The following PLEKHM3 variants were observed in gnomAD, a reference collection of about 807,000 sequenced individuals.
The protein encoded by PLEKHM3 is pleckstrin homology domain-containing family M member 3.
Under a neutral mutation model 81.8 loss-of-function variants are expected in PLEKHM3, and 45 were observed. The observed-to-expected ratio is 0.55, with a 90% CI of 0.43 to 0.71. The LOEUF (loss-of-function observed/expected upper bound fraction) is 0.71. Among genes scored for constraint, PLEKHM3 ranks in the 30% least tolerant of loss-of-function variants. The probability of loss-of-function intolerance (pLI) is 0.00; values close to 1 mark genes in which losing one functional copy is unlikely to be tolerated. For synonymous variants in PLEKHM3, 352 were observed against 356.4 expected (o/e 0.99, Z 0.14); for missense variants, 788 against 924.3 (o/e 0.85, Z 1.91).
intron 6 of PLEKHM3, among the ~76,000 whole-genome samples, chr2:207,886,272 A>G (rs1010189769): frequency 6.6e-6 from 1 of 152,202 alleles, no homozygotes; most frequent in Non-Finnish European, 1.5e-5. Context: ...GAATCTTTGT[A>G]ATATGAGCCC....
At chr2:207,986,739 T>G (rs1440722304) in intron 2 of PLEKHM3, among the ~76,000 whole-genome samples, 1 of 151,322 alleles carries the variant, frequency 6.6e-6, no homozygotes, top group South Asian at 2.1e-4. Flanking sequence ...GGCATGATCA[T>G]GGCTCACGGC....
chr2:207,853,945 A>G (rs1034411137), intron 7 of PLEKHM3, among the ~76,000 whole-genome samples: 2 of 151,286 alleles, frequency 1.3e-5, no homozygotes, highest in South Asian at 2.1e-4. Flanking sequence ...TAATTTTTGT[A>G]TTTTTATTAG....
chr2:208,019,827 G>C (rs961446340), intron 1 of PLEKHM3: 1 of 152,198 alleles, frequency 6.6e-6, no homozygotes, highest in Admixed American at 6.5e-5. Flanking sequence ...TGCCTGTCTT[G>C]TTCATTCCTA....
At chr2:207,841,989 G>C (rs1377383312) in intron 7 of PLEKHM3, among the ~76,000 whole-genome samples, 1 of 152,182 alleles carries the variant, frequency 6.6e-6, no homozygotes, top group Admixed American at 6.5e-5. Context: ...CCAGGCTGGA[G>C]TCCAGTGGTG....
chr2:207,975,319 G>A (rs1485175714), intron 3 of PLEKHM3, among the ~76,000 whole-genome samples: 1 of 152,052 alleles, frequency 6.6e-6, no homozygotes, highest in Non-Finnish European at 1.5e-5. Context: ...GGTTTTCAAT[G>A]GCCACCTTTA....
intron 1 of PLEKHM3, among the ~76,000 whole-genome samples, chr2:208,017,080 C>A (rs1482826741): frequency 6.6e-6 from 1 of 152,170 alleles, no homozygotes; most frequent in Non-Finnish European, 1.5e-5. Flanking sequence ...CAGCATTTAG[C>A]AAACTCAAGT....
At chr2:207,963,526 G>T (rs1690809586) in intron 3 of PLEKHM3, among the ~76,000 whole-genome samples, 1 of 152,150 alleles carries the variant, frequency 6.6e-6, no homozygotes, top group Non-Finnish European at 1.5e-5. Context: ...CAGGAAAACT[G>T]GTTAGAAGGT....
chr2:207,839,884 G>A (rs2092340552), intron 7 of PLEKHM3, among the ~76,000 whole-genome samples: 1 of 152,092 alleles, frequency 6.6e-6, no homozygotes, highest in Non-Finnish European at 1.5e-5. Context: ...CCGTGATGGT[G>A]CCACTACATT....
intron 2 of PLEKHM3, 24 bp from the exon 3 acceptor site, chr2:207,977,610 G>GTAT (rs1336613530): frequency 3.9e-6 from 6 of 1,557,830 alleles, no homozygotes; most frequent in African/African-American, 2.7e-5. Flanking sequence ...GAGAGGCAAA[G>GTAT]TATTGATTAG....
chr2:207,931,595 AT>A (rs1398232488), intron 4 of PLEKHM3, among the ~76,000 whole-genome samples: 2 of 152,270 alleles, frequency 1.3e-5, no homozygotes, highest in African/African-American at 2.4e-5. Flanking sequence ...ACAAATGCTG[AT>A]TTTTAAAAAC....
chr2:207,858,310 A>C (rs1320800694), intron 7 of PLEKHM3, among the ~76,000 whole-genome samples: 1 of 151,610 alleles, frequency 6.6e-6, no homozygotes, highest in Non-Finnish European at 1.5e-5. Context: ...AGTAGCTGGG[A>C]TTACAGGTGC....
intron 6 of PLEKHM3, among the ~76,000 whole-genome samples, chr2:207,862,072 G>A (rs2105813587): frequency 1.3e-5 from 2 of 152,088 alleles, no homozygotes; most frequent in South Asian, 4.2e-4. Flanking sequence ...CTCACCTGTG[G>A]GCTTGCATAC....
At chr2:207,979,645 A>T (rs1490988999) in intron 2 of PLEKHM3, among the ~76,000 whole-genome samples, 2 of 152,196 alleles carry the variant, frequency 1.3e-5, no homozygotes, top group Non-Finnish European at 2.9e-5. Flanking sequence ...TCTCTTTGCC[A>T]ACACACATTG....
chr2:207,922,550 C>T (rs567606862), intron 5 of PLEKHM3, among the ~76,000 whole-genome samples: 11 of 152,274 alleles, frequency 7.2e-5, no homozygotes, highest in East Asian at 3.9e-4. Context: ...CGGTGGCTCA[C>T]GCCTGTAATC....
intron 3 of PLEKHM3, 143 bp from the exon 4 acceptor site, chr2:207,946,655 G>T: frequency 8.9e-7 from 1 of 1,117,394 alleles, no homozygotes; most frequent in African/African-American, 1.6e-5. Context: ...AGATAATAGA[G>T]TTGTACAGTT....
chr2:207,881,695 G>C (rs952967954), intron 6 of PLEKHM3, among the ~76,000 whole-genome samples: 21 of 152,336 alleles, frequency 1.4e-4, no homozygotes, highest in African/African-American at 4.8e-4. Flanking sequence ...TCCCGTGACA[G>C]CCTGCGGTAT....
At chr2:207,877,214 A>C (rs2092563814) in intron 6 of PLEKHM3, among the ~76,000 whole-genome samples, 1 of 152,190 alleles carries the variant, frequency 6.6e-6, no homozygotes, top group Non-Finnish European at 1.5e-5. Flanking sequence ...AGTAAAATCT[A>C]AATAGAAAAG....
intron 2 of PLEKHM3, among the ~76,000 whole-genome samples, chr2:207,991,092 G>A (rs1691886800): frequency 6.6e-6 from 1 of 152,184 alleles, no homozygotes; most frequent in East Asian, 1.9e-4. Context: ...TAAAAGCAGA[G>A]ATTTTCTGTC....
chr2:207,840,450 C>A (rs1428063923), intron 7 of PLEKHM3, among the ~76,000 whole-genome samples: 1 of 152,160 alleles, frequency 6.6e-6, no homozygotes, highest in Non-Finnish European at 1.5e-5. Context: ...CCTGCCTTGG[C>A]CTCCCCATGT....
Sources: gnomAD v4.1 joint callset for allele counts (sites outside exome capture counted in the v4.1 genomes callset) on GRCh38, gnomAD v4.1.1 for gene constraint, MANE v1.5 for transcripts, NCBI Gene and HGNC (gene_info 2026-07-23, HGNC 2026-07-21) for gene names.